The following PLCH2 variants were observed in gnomAD, a reference collection of about 807,000 sequenced individuals.
PLCH2 encodes the protein phospholipase C eta 2, also known as 1-phosphatidylinositol 4,5-bisphosphate phosphodiesterase eta-2.
In PLCH2, 98 loss-of-function variants were observed where a neutral mutation model predicts 134.7. The observed-to-expected ratio is 0.73, with a 90% CI of 0.62 to 0.86. The LOEUF (loss-of-function observed/expected upper bound fraction) is 0.86, where lower values mean the gene tolerates loss of function less well. PLCH2 is among the 40% of genes least tolerant of loss of function. The pLI is 0.00. For missense variants in PLCH2, 1,994 were observed against 1,986.6 expected, an observed-to-expected ratio of 1.00 and a Z score of -0.07; for synonymous variants, 974 against 827.5, an observed-to-expected ratio of 1.18 and a Z score of -3.04.
In PLCH2 at chr1:2,504,848, CG is replaced by C. The variant is rs1643452860; in HGVS notation, c.3889del (p.Asp1297ThrfsTer3). ...GCGGGTGTCGGGGCCAGGGGTGAGACGGGACACCCTGACAGAGCAGCTGCGC... is the reference window on the plus strand; with the variant it reads ...GCGGGTGTCGGGGCCAGGGGTGAGACGGACACCCTGACAGAGCAGCTGCGC... ...TRRVSGPGVR[R>X]DTLTEQLRWL... On this transcript the variant is annotated frameshift_variant, in exon 22 of 22. Transcript: ENST00000378486. LOFTEE classifies it high-confidence loss of function. 1 of 1,603,708 alleles carries C rather than the reference CG, an allele frequency of 6.2e-7. No individual in the cohort carries two copies. The highest frequency in any genetic ancestry group is 2.2e-5 in the East Asian group (1 of 44,566).
In PLCH2 at chr1:2,484,538, C is replaced by T; in HGVS notation, c.736C>T (p.Leu246=). The change falls in exon 5 of 22, where the codon CTG becomes TTG. Residue 246 remains leucine, a synonymous_variant. Transcript: ENST00000378486. ...KMMSTRRDLY[L]LMLTYSNHKD... ...GATGTCCACCCGCCGGGACCTCTAC[C>T]TGCTCATGCTGACCTACAGCAACCA... 1 of 1,613,322 alleles carries T rather than the reference C, an allele frequency of 6.2e-7. No homozygotes were observed. The highest frequency in any genetic ancestry group is 8.5e-7 in the Non-Finnish European group (1 of 1,179,814).
chr1:2,474,781 T>C (rs1238619718), upstream of PLCH2, among the ~76,000 whole-genome samples: 1 of 152,008 alleles, frequency 6.6e-6, no homozygotes, highest in Non-Finnish European at 1.5e-5. Flanking sequence ...ACCCCCTGGG[T>C]CAGAGTGGAA....
At chr1:2,492,795 C>T (rs936072331) in intron 11 of PLCH2, among the ~76,000 whole-genome samples, 2 of 152,164 alleles carry the variant, frequency 1.3e-5, no homozygotes, top group Admixed American at 1.3e-4. Flanking sequence ...CTCTGTCCCC[C>T]TGGGGTAGCC....
intron 12 of PLCH2, among the ~76,000 whole-genome samples, chr1:2,495,156 G>A (rs1452712934): frequency 2.0e-5 from 3 of 152,196 alleles, no homozygotes; most frequent in African/African-American, 7.2e-5. Context: ...GAGTCAGGCC[G>A]AGCTATCGGT....
chr1:2,438,948 C>T (rs1276358005), intron 2 of PLCH2, among the ~76,000 whole-genome samples: 1 of 152,180 alleles, frequency 6.6e-6, no homozygotes, highest in Non-Finnish European at 1.5e-5. Flanking sequence ...CTGCCCTGCC[C>T]AGGGATCTGG....
the PLCH2 span, among the ~76,000 whole-genome samples, chr1:2,419,111 C>T: frequency 1.4e-3 from 207 of 152,324 alleles, no homozygotes; most frequent in African/African-American, 4.4e-3. Flanking sequence ...CCCCATCTGT[C>T]TGCCCAGCTC....
At chr1:2,490,641 C>T (rs1309965190) in intron 10 of PLCH2, among the ~76,000 whole-genome samples, 1 of 152,252 alleles carries the variant, frequency 6.6e-6, no homozygotes, top group Non-Finnish European at 1.5e-5. Flanking sequence ...CAGCACTCTT[C>T]CTGCCTGGGA....
chr1:2,503,428 T>G (rs545619922), intron 21 of PLCH2: 2 of 596,360 alleles, frequency 3.4e-6, no homozygotes, highest in African/African-American at 3.7e-5. Context: ...TGGAGCCTGC[T>G]GAGTGCTGCG....
In PLCH2 at chr1:2,444,108, T is replaced by C. The variant is rs1320633796; in HGVS notation, c.115+13479T>C. Among the ~76,000 whole-genome samples the C allele has an allele frequency of 6.6e-6, 1 of 151,674 alleles. No homozygotes were observed. The highest frequency in any genetic ancestry group is 2.4e-5 in the African/African-American group (1 of 41,262). On this transcript the variant is annotated intron_variant, in intron 2 of 3. Transcript: ENST00000609981. The surrounding 1 kb of genome is among the most constrained non-coding windows in gnomAD (Gnocchi z 4.6). ...TCGGGAGCGGAGGCTCGGATCGCGGTGGCACGGGCAGGGGTGCGGGCGCGG... is the reference window on the plus strand; with the variant it reads ...TCGGGAGCGGAGGCTCGGATCGCGGCGGCACGGGCAGGGGTGCGGGCGCGG...
intron 2 of PLCH2, among the ~76,000 whole-genome samples, chr1:2,431,940 C>T (rs1486467637): frequency 6.6e-6 from 1 of 152,168 alleles, no homozygotes; most frequent in African/African-American, 2.4e-5. Context: ...GATGCCAGCT[C>T]AGTTACCTGT....
At chr1:2,461,506 T>C (rs1352929809) in intron 2 of PLCH2, among the ~76,000 whole-genome samples, 1 of 152,144 alleles carries the variant, frequency 6.6e-6, no homozygotes, top group Non-Finnish European at 1.5e-5. Context: ...CTGAGATGAT[T>C]CAGGGCAGAG....
chr1:2,430,166 C>T (rs1378964713), intron 1 of PLCH2, among the ~76,000 whole-genome samples: 1 of 152,194 alleles, frequency 6.6e-6, no homozygotes, highest in African/African-American at 2.4e-5. Flanking sequence ...ACACAGCTAC[C>T]CAGCCCCACT....
chr1:2,502,603 C>T, intron 21 of PLCH2, 194 bp downstream of exon 21: 1 of 706,236 alleles, frequency 1.4e-6, no homozygotes, highest in Non-Finnish European at 2.6e-6. Context: ...GGCAGGCAGC[C>T]ATTCGCCAGC....
At position 2,486,977 on chromosome 1, in the gene PLCH2, G is replaced by A. The variant is rs1442925663; in HGVS notation, c.887G>A (p.Ser296Asn). The A allele has an allele frequency of 1.2e-6, 2 of 1,603,722 alleles. No homozygotes were observed. Among genetic ancestry groups the A allele is most frequent in the African/African-American group, 1.3e-5 (1 of 74,708 alleles). ...TTTGAGCCATGCCCAGAAAACAAGA[G>A]TAAGGGGCTGCTGGGCATTGATGGT... ...EQFEPCPENK[S>N]KGLLGIDGFT... Residue 296 changes from serine (S) to asparagine (N), a missense_variant, in exon 6 of 22, where the codon AGT becomes AAT. Ser to Asn is a conservative substitution (Grantham distance 46). Around this residue, in one of 2 missense-constraint regions of PLCH2, gnomAD observed 1,094 missense variants for 1,234.3 expected, o/e 0.89. Transcript: ENST00000378486.
In PLCH2 at chr1:2,476,506, C is replaced by G. The variant is rs1043849780; in HGVS notation, c.-83C>G. 2 of 1,338,368 alleles carry G rather than the reference C, an allele frequency of 1.5e-6. No individual in the cohort carries two copies. The highest frequency in any genetic ancestry group is 2.0e-6 in the Non-Finnish European group (2 of 1,016,806). The allele number at this position is 1,338,368 out of a possible 1,614,324, so 82.9% of individuals were successfully genotyped here. A position where few individuals can be genotyped will look rare whatever the true frequency, so the allele number is the denominator to read the frequency against. ...GGCCCCACGGAGGTCCTGTCGCCAG[C>G]GCTGCCACTGCCTGACCTCCGCTGC... On this transcript the variant is annotated 5_prime_UTR_variant, in exon 1 of 22. Transcript: ENST00000378486.
At chr1:2,502,973 CCTG>C (rs1643321962) in intron 21 of PLCH2, 4 of 716,826 alleles carry the variant, frequency 5.6e-6, no homozygotes, top group African/African-American at 3.5e-5. Flanking sequence ...GCCTGGGTCA[CCTG>C]CTGCTGCTTC....
chr1:2,424,527 T>C (rs1638675035), upstream of PLCH2, among the ~76,000 whole-genome samples: 1 of 152,190 alleles, frequency 6.6e-6, no homozygotes. Flanking sequence ...GTTCCATCCA[T>C]GTTGTTGAAA....
upstream of PLCH2, among the ~76,000 whole-genome samples, chr1:2,466,853 AG>A (rs1641078843): frequency 6.6e-6 from 1 of 152,092 alleles, no homozygotes; most frequent in East Asian, 1.9e-4. Flanking sequence ...CAGGGAGGCG[AG>A]GGGCTGGGAG....
In PLCH2 at chr1:2,505,463, C is replaced by T; in HGVS notation, c.*250C>T. On this transcript the variant is annotated 3_prime_UTR_variant, in exon 22 of 22. Transcript: ENST00000378486. ...TTTTCCCGGCGTTTTAGGATCTGTA[C>T]ATAGAGAAATATTTAAATTTTTAGA... 1 of 535,226 alleles carries T rather than the reference C, an allele frequency of 1.9e-6. No homozygotes were observed. The highest frequency in any genetic ancestry group is 3.3e-6 in the Non-Finnish European group (1 of 306,336). 33.2% of individuals were successfully genotyped at this position (535,226 alleles called of 1,614,324 possible).
Sources: allele counts gnomAD v4.1 joint callset (sites outside exome capture counted in the v4.1 genomes callset), GRCh38; gene constraint gnomAD v4.1.1; regional missense constraint gnomAD v4.1.1; non-coding constraint Gnocchi (gnomAD v3.1); transcripts MANE v1.5; gene names NCBI Gene and HGNC (gene_info 2026-07-23, HGNC 2026-07-21).